The following ADGRB3 variants were observed in gnomAD, a reference collection of about 807,000 sequenced individuals.
ADGRB3 encodes adhesion G protein-coupled receptor B3.
Under a neutral mutation model 193.4 loss-of-function variants are expected in ADGRB3, and 37 were observed. That is an observed-to-expected ratio of 0.19 (90% CI 0.15 to 0.25). The LOEUF (loss-of-function observed/expected upper bound fraction) is 0.25. Among genes scored for constraint, ADGRB3 ranks in the 10% least tolerant of loss-of-function variants. ADGRB3 has a pLI of 1.00. For missense variants in ADGRB3, 1,637 were observed against 1,852.9 expected (o/e 0.88, Z 2.14); for synonymous variants, 690 against 644.2 (o/e 1.07, Z -1.08).
intron 3 of ADGRB3, among the ~76,000 whole-genome samples, chr6:68,691,385 A>G (rs1582126721): frequency 6.6e-6 from 1 of 152,140 alleles, no homozygotes; most frequent in Non-Finnish European, 1.5e-5. Flanking sequence ...CGATTGATAG[A>G]TGAATGTGTA....
At chr6:69,145,949 G>C (rs1774479725) in intron 17 of ADGRB3, among the ~76,000 whole-genome samples, 1 of 152,154 alleles carries the variant, frequency 6.6e-6, no homozygotes, top group Admixed American at 6.5e-5. Context: ...TCATGCGCAG[G>C]AATGGGTGGA....
Position 69,018,505 on chromosome 6 carries a change from A to T in ADGRB3, c.2107+6A>T. The T allele has an allele frequency of 1.3e-6, 2 of 1,578,232 alleles. No homozygotes were observed. The highest frequency in any genetic ancestry group is 1.7e-6 in the Non-Finnish European group (2 of 1,152,036). The stretch of plus-strand genomic sequence containing the variant: ...CTTAATGACTGGAAATGTAGGTAAG[A>T]AATAGGATTTTCCCCCAAAATCTTT... On this transcript the variant is annotated splice_donor_region_variant and intron_variant, in intron 13 of 31. Coordinates refer to ENST00000370598, the MANE Select transcript of ADGRB3 (RefSeq NM_001704.3).
At chr6:68,936,459 AT>A in intron 4 of ADGRB3, 59 bp from the exon 5 acceptor site, 1 of 1,528,536 alleles carries the variant, frequency 6.5e-7, no homozygotes, top group Non-Finnish European at 8.9e-7. Context: ...GTTTGGTATA[AT>A]GCTTACTAGA....
chr6:68,957,214 T>C (rs1313434862), intron 8 of ADGRB3, among the ~76,000 whole-genome samples: 1 of 152,212 alleles, frequency 6.6e-6, no homozygotes, highest in Non-Finnish European at 1.5e-5. Flanking sequence ...GAAATTCCTA[T>C]GAGGAATGCA....
intron 3 of ADGRB3, among the ~76,000 whole-genome samples, chr6:68,640,164 T>G (rs1220479307): frequency 1.3e-5 from 2 of 152,128 alleles, no homozygotes; most frequent in African/African-American, 2.4e-5. Context: ...AAACACATAG[T>G]GATCCTTTAA....
chr6:69,377,886 C>T (rs1769864778), intron 30 of ADGRB3, among the ~76,000 whole-genome samples: 1 of 151,996 alleles, frequency 6.6e-6, no homozygotes, highest in Admixed American at 6.6e-5. Context: ...GAAAGGAACA[C>T]AATAAAATCA....
intron 10 of ADGRB3, among the ~76,000 whole-genome samples, chr6:68,981,475 C>T (rs1207512246): frequency 2.0e-5 from 3 of 151,648 alleles, no homozygotes; most frequent in Admixed American, 1.3e-4. Context: ...TCAGAAGTTC[C>T]TAATGAGTTT....
intron 3 of ADGRB3, among the ~76,000 whole-genome samples, chr6:68,748,781 A>G (rs1182806253): frequency 2.0e-5 from 3 of 152,228 alleles, no homozygotes; most frequent in Non-Finnish European, 4.4e-5. Flanking sequence ...CCCTTCCACA[A>G]TGCCCTAGCA....
At chr6:69,272,314 G>C (rs2127279836) in intron 20 of ADGRB3, among the ~76,000 whole-genome samples, 1 of 152,260 alleles carries the variant, frequency 6.6e-6, no homozygotes, top group Non-Finnish European at 1.5e-5. Context: ...GAGATGGGCA[G>C]GTCAGCAGAT....
intron 11 of ADGRB3, among the ~76,000 whole-genome samples, chr6:69,000,824 C>T (rs185453097): frequency 6.6e-6 from 1 of 152,150 alleles, no homozygotes; most frequent in Non-Finnish European, 1.5e-5. Context: ...ACACATAGGT[C>T]GATTCAGAAA....
At chr6:68,643,557 C>T (rs528692060) in intron 3 of ADGRB3, among the ~76,000 whole-genome samples, 3 of 146,794 alleles carry the variant, frequency 2.0e-5, no homozygotes, top group African/African-American at 7.5e-5. Context: ...TTTGCCCTGT[C>T]CCTGTGCTGG....
At chr6:69,043,290 GAGAAAGAA>G (rs145178367) in intron 13 of ADGRB3, among the ~76,000 whole-genome samples, 3,109 of 88,060 alleles carry the variant, frequency 0.035, 87 homozygotes, top group African/African-American at 0.11. Context: ...GGAAGAAAGA[GAGAAAGAA>G]AGAAAGAAAG....
chr6:69,180,349 T>A (rs1309416020), intron 17 of ADGRB3, among the ~76,000 whole-genome samples: 2 of 152,164 alleles, frequency 1.3e-5, no homozygotes, highest in Non-Finnish European at 2.9e-5. Flanking sequence ...TGCACCACAA[T>A]CTATGCAAAG....
intron 3 of ADGRB3, among the ~76,000 whole-genome samples, chr6:68,883,895 TAATTAA>T (rs1458046708): frequency 6.6e-6 from 1 of 152,230 alleles, no homozygotes; most frequent in Non-Finnish European, 1.5e-5. Flanking sequence ...CTCATCAATT[TAATTAA>T]AATTGGAATT....
intron 17 of ADGRB3, among the ~76,000 whole-genome samples, chr6:69,172,124 G>A (rs1036208984): frequency 6.6e-6 from 1 of 152,156 alleles, no homozygotes; most frequent in African/African-American, 2.4e-5. Context: ...GATCATGGGG[G>A]CTATCATATG....
At chr6:68,838,647 G>A (rs1768091114) in intron 3 of ADGRB3, among the ~76,000 whole-genome samples, 1 of 152,186 alleles carries the variant, frequency 6.6e-6, no homozygotes, top group African/African-American at 2.4e-5. Context: ...ATTGGTTTAA[G>A]TAGGTGTTGG....
chr6:68,890,860 G>T (rs1463377556), intron 3 of ADGRB3, among the ~76,000 whole-genome samples: 1 of 152,174 alleles, frequency 6.6e-6, no homozygotes, highest in Non-Finnish European at 1.5e-5. Context: ...ATAGAGGGAG[G>T]TGGAAAGTTT....
At chr6:68,887,075 A>ATG (rs1486980209) in intron 3 of ADGRB3, among the ~76,000 whole-genome samples, 14 of 137,134 alleles carry the variant, frequency 1.0e-4, no homozygotes, top group Admixed American at 2.9e-4. Context: ...ATATATACAC[A>ATG]CACACACACA....
chr6:68,858,370 G>A (rs142293009), intron 3 of ADGRB3, among the ~76,000 whole-genome samples: 17 of 152,062 alleles, frequency 1.1e-4, no homozygotes, highest in South Asian at 2.1e-4. Context: ...CAGGTGTGGT[G>A]GTGTGTGCCT....
Sources: gnomAD v4.1 joint callset for allele counts (sites outside exome capture counted in the v4.1 genomes callset) on GRCh38, gnomAD v4.1.1 for gene constraint, MANE v1.5 for transcripts, NCBI Gene and HGNC (gene_info 2026-07-23, HGNC 2026-07-21) for gene names.